TAFA1: variants seen among roughly 807,000 people sequenced by gnomAD.
TAFA1 encodes TAFA chemokine like family member 1.
In TAFA1, 4 loss-of-function variants were observed where a neutral mutation model predicts 18.5. The ratio of observed to expected loss-of-function variants is 0.22; its 90% CI spans 0.11 to 0.49. TAFA1 has a LOEUF of 0.49. Ranked by LOEUF, TAFA1 falls within the 20% of genes least tolerant of loss-of-function variation. The pLI, the probability that TAFA1 is intolerant of heterozygous loss-of-function variation, is 0.98. For synonymous variants in TAFA1, 56 were observed against 55.2 expected, an observed-to-expected ratio of 1.01 and a Z score of -0.06; for missense variants, 147 against 169.0, an observed-to-expected ratio of 0.87 and a Z score of 0.72.
chr3:68,457,497 C>T (rs1226377356), intron 3 of TAFA1, among the ~76,000 whole-genome samples: 1 of 152,088 alleles, frequency 6.6e-6, no homozygotes, highest in Non-Finnish European at 1.5e-5. Context: ...TTTTAAAAAC[C>T]TACACAAGTG....
At chr3:68,393,553 C>A (rs948477953) in intron 2 of TAFA1, among the ~76,000 whole-genome samples, 1 of 151,910 alleles carries the variant, frequency 6.6e-6, no homozygotes, top group Non-Finnish European at 1.5e-5. Flanking sequence ...GGCAGAGACA[C>A]AATGAAAAAA....
At chr3:68,161,920 A>C (rs1434598747) in intron 2 of TAFA1, among the ~76,000 whole-genome samples, 1 of 152,160 alleles carries the variant, frequency 6.6e-6, no homozygotes, top group Non-Finnish European at 1.5e-5. Context: ...CAGTTTTTGC[A>C]AACTTTTTTT....
At chr3:68,181,176 C>G (rs548687322) in intron 2 of TAFA1, among the ~76,000 whole-genome samples, 2 of 152,116 alleles carry the variant, frequency 1.3e-5, no homozygotes, top group Non-Finnish European at 2.9e-5. Context: ...ATAACTGTTG[C>G]TGTCATCTTG....
At chr3:68,120,593 T>A (rs1017196116) in intron 2 of TAFA1, among the ~76,000 whole-genome samples, 3 of 152,150 alleles carry the variant, frequency 2.0e-5, no homozygotes, top group African/African-American at 7.2e-5. Flanking sequence ...GTGAGAGGGT[T>A]ACAGAGATGA....
chr3:68,096,471 A>G (rs2065088022), intron 2 of TAFA1, among the ~76,000 whole-genome samples: 1 of 152,162 alleles, frequency 6.6e-6, no homozygotes, highest in Admixed American at 6.6e-5. Context: ...TTGCCAAGAT[A>G]GTAGAGCTGA....
intron 3 of TAFA1, among the ~76,000 whole-genome samples, chr3:68,497,947 C>A (rs2072578418): frequency 6.6e-6 from 1 of 152,098 alleles, no homozygotes. Context: ...ACCTGGTAAC[C>A]CACTAATTGA....
chr3:68,155,336 A>G (rs183502327), intron 2 of TAFA1, among the ~76,000 whole-genome samples: 94 of 152,318 alleles, frequency 6.2e-4, no homozygotes, highest in East Asian at 5.8e-3. Flanking sequence ...CAGGGATAGC[A>G]CATTCGCATT....
rs80217270 is a variant in TAFA1, at chr3:68,067,295, C to T, written c.118+60551C>T. Reference sequence around the variant, plus strand: ...ATTTTTATGATCTTCTTAATCTTCTCCAGGTTAAACACTCCCATTCCTTCA... The same window carrying T: ...ATTTTTATGATCTTCTTAATCTTCTTCAGGTTAAACACTCCCATTCCTTCA... On this transcript the variant is annotated intron_variant, in intron 2 of 4. Transcript: ENST00000478136. 2.8e-4 allele frequency among the ~76,000 whole-genome samples: 43 copies of T among 152,274 alleles called. No individual in the cohort carries two copies. The East Asian group carries it at 8.3e-3, about 29-fold the overall frequency.
At chr3:68,153,054 T>A (rs1331399443) in intron 2 of TAFA1, among the ~76,000 whole-genome samples, 1 of 152,132 alleles carries the variant, frequency 6.6e-6, no homozygotes, top group East Asian at 1.9e-4. Context: ...GAATGGATGT[T>A]GGGCAGACAA....
intron 3 of TAFA1, among the ~76,000 whole-genome samples, chr3:68,526,184 T>A (rs1263359192): frequency 6.6e-6 from 1 of 152,208 alleles, no homozygotes; most frequent in Non-Finnish European, 1.5e-5. Flanking sequence ...TTTCCATCAA[T>A]GCCAAGAGCA....
chr3:68,478,951 T>C (rs1034902136), intron 3 of TAFA1, among the ~76,000 whole-genome samples: 10 of 150,402 alleles, frequency 6.6e-5, no homozygotes, highest in African/African-American at 2.4e-4. Context: ...TATATATCTG[T>C]AGGCCAGGCG....
At chr3:68,530,329 G>C (rs935337957) in intron 3 of TAFA1, among the ~76,000 whole-genome samples, 4 of 152,118 alleles carry the variant, frequency 2.6e-5, no homozygotes, top group Admixed American at 6.6e-5. Flanking sequence ...CTCTATTTAG[G>C]ATTTATACTG....
At chr3:68,014,345 G>A (rs1482604754) in intron 2 of TAFA1, among the ~76,000 whole-genome samples, 1 of 152,166 alleles carries the variant, frequency 6.6e-6, no homozygotes, top group African/African-American at 2.4e-5. Context: ...ATTATTTATT[G>A]ATCATCCTAG....
chr3:68,353,960 C>T (rs1431007316), intron 2 of TAFA1, among the ~76,000 whole-genome samples: 6 of 151,944 alleles, frequency 3.9e-5, no homozygotes, highest in Non-Finnish European at 8.8e-5. Context: ...ATCTCTGGGC[C>T]TCCGCTTTCC....
chr3:68,425,725 A>G (rs17047692), intron 3 of TAFA1, among the ~76,000 whole-genome samples: 30,100 of 151,920 alleles, frequency 0.2, 3,345 homozygotes, highest in East Asian at 0.44. Context: ...ATATGTATCT[A>G]TCTAATAGCA....
chr3:68,181,032 A>G (rs1327383419), intron 2 of TAFA1, among the ~76,000 whole-genome samples: 1 of 152,196 alleles, frequency 6.6e-6, no homozygotes, highest in East Asian at 1.9e-4. Flanking sequence ...CAAAGTACGG[A>G]CGAGAAGGCC....
At chr3:68,270,364 T>A (rs772681636) in intron 2 of TAFA1, among the ~76,000 whole-genome samples, 4 of 152,120 alleles carry the variant, frequency 2.6e-5, no homozygotes, top group Non-Finnish European at 4.4e-5. Flanking sequence ...TTGCATTTGG[T>A]GTGTTTGTGT....
chr3:68,222,069 A>G (rs1459295462), intron 2 of TAFA1, among the ~76,000 whole-genome samples: 1 of 152,174 alleles, frequency 6.6e-6, no homozygotes, highest in Non-Finnish European at 1.5e-5. Flanking sequence ...TACTTTCATA[A>G]TTCTATTGAG....
At chr3:68,423,374 AGTCAT>A (rs746416345) in intron 3 of TAFA1, among the ~76,000 whole-genome samples, 28 of 152,276 alleles carry the variant, frequency 1.8e-4, no homozygotes, top group Non-Finnish European at 3.1e-4. Flanking sequence ...TCACATAGCC[AGTCAT>A]GGCATAGCCA....
Sources: gnomAD v4.1 joint callset for allele counts (sites outside exome capture counted in the v4.1 genomes callset) on GRCh38, gnomAD v4.1.1 for gene constraint, MANE v1.5 for transcripts, NCBI Gene and HGNC (gene_info 2026-07-23, HGNC 2026-07-21) for gene names.